Variants in CNTN5 observed in about 807,000 individuals in gnomAD.
CNTN5 encodes the protein contactin 5.
CNTN5 carries 77 observed loss-of-function variants against 129.1 expected under a neutral mutation model. The observed-to-expected ratio is 0.60, with a 90% confidence interval of 0.50 to 0.72. CNTN5 has a LOEUF of 0.72. Ranked by LOEUF, CNTN5 falls within the 30% of genes least tolerant of loss-of-function variation. CNTN5 has a pLI of 0.00. For synonymous variants in CNTN5, 509 were observed against 465.6 expected (o/e 1.09, Z -1.20); for missense variants, 1,478 against 1,328.8 (o/e 1.11, Z -1.75).
intron 3 of CNTN5, among the ~76,000 whole-genome samples, chr11:99,689,657 G>T (rs1011740066): frequency 1.7e-4 from 26 of 149,248 alleles, no homozygotes; most frequent in East Asian, 1.2e-3. Context: ...TTGTGGTTTT[G>T]ATTTGCATTT....
chr11:99,956,145 T>C (rs1377592759), intron 7 of CNTN5, among the ~76,000 whole-genome samples: 1 of 152,120 alleles, frequency 6.6e-6, no homozygotes, highest in African/African-American at 2.4e-5. Flanking sequence ...CTTAGGTACG[T>C]TGTCTTGGTG....
intron 4 of CNTN5, among the ~76,000 whole-genome samples, chr11:99,833,760 C>T (rs1345891492): frequency 6.6e-6 from 1 of 152,114 alleles, no homozygotes; most frequent in Non-Finnish European, 1.5e-5. Context: ...ACTTGATCAT[C>T]CTGTTCAAGA....
At chr11:99,033,243 C>A (rs1276425744) in intron 1 of CNTN5, among the ~76,000 whole-genome samples, 2 of 151,638 alleles carry the variant, frequency 1.3e-5, no homozygotes, top group Admixed American at 6.6e-5. Flanking sequence ...ATTGACTTGG[C>A]AATGCGGGCT....
chr11:99,639,607 C>T (rs1951694733), intron 3 of CNTN5, among the ~76,000 whole-genome samples: 3 of 118,900 alleles, frequency 2.5e-5, no homozygotes, highest in Middle Eastern at 7.4e-3. Flanking sequence ...TCTTGCTTCC[C>T]AGGCTGGAGT....
At chr11:99,773,525 C>A (rs1292144172) in intron 3 of CNTN5, among the ~76,000 whole-genome samples, 1 of 151,938 alleles carries the variant, frequency 6.6e-6, no homozygotes, top group African/African-American at 2.4e-5. Flanking sequence ...GTATGTTAGA[C>A]TGCAAATTAA....
chr11:99,941,666 T>C (rs1321739566), intron 7 of CNTN5, among the ~76,000 whole-genome samples: 7 of 150,304 alleles, frequency 4.7e-5, no homozygotes, highest in African/African-American at 1.7e-4. Context: ...CATAAAGACC[T>C]CCCACAGGGA....
chr11:99,247,356 A>G (rs1176727613), intron 1 of CNTN5, among the ~76,000 whole-genome samples: 3 of 152,104 alleles, frequency 2.0e-5, no homozygotes, highest in African/African-American at 7.2e-5. Flanking sequence ...ACTCTACTCC[A>G]AAGTCTGATG....
chr11:99,535,646 G>A (rs1033797449), intron 2 of CNTN5, among the ~76,000 whole-genome samples: 1 of 152,192 alleles, frequency 6.6e-6, no homozygotes, highest in Admixed American at 6.6e-5. Flanking sequence ...GATTTAGAGA[G>A]AAGTGTGGTT....
At chr11:100,290,139 C>G (rs1591482094) in intron 18 of CNTN5, among the ~76,000 whole-genome samples, 2 of 151,412 alleles carry the variant, frequency 1.3e-5, no homozygotes, top group East Asian at 3.9e-4. Context: ...ATTCCATGCT[C>G]CTGGGTAGGA....
At chr11:99,338,251 G>A (rs907190105) in intron 2 of CNTN5, among the ~76,000 whole-genome samples, 7 of 152,042 alleles carry the variant, frequency 4.6e-5, no homozygotes, top group Non-Finnish European at 8.8e-5. Flanking sequence ...CACCCAGCCT[G>A]GTCAAACAGC....
At chr11:99,506,302 A>C (rs534306922) in intron 2 of CNTN5, among the ~76,000 whole-genome samples, 2 of 152,288 alleles carry the variant, frequency 1.3e-5, no homozygotes, top group South Asian at 4.1e-4. Context: ...AAAAAGAAAA[A>C]AATGTTCTCT....
intron 1 of CNTN5, among the ~76,000 whole-genome samples, chr11:99,160,408 A>G (rs1448511596): frequency 2.0e-5 from 3 of 152,198 alleles, no homozygotes; most frequent in Admixed American, 1.3e-4. Flanking sequence ...TGAAATCATA[A>G]AAGTACCTCT....
At chr11:100,304,992 C>T (rs978780578) in intron 20 of CNTN5, among the ~76,000 whole-genome samples, 1 of 151,308 alleles carries the variant, frequency 6.6e-6, no homozygotes, top group Non-Finnish European at 1.5e-5. Flanking sequence ...TAATCTTATT[C>T]TATCCATTCC....
At chr11:99,286,155 A>C (rs574213854) in intron 1 of CNTN5, among the ~76,000 whole-genome samples, 6 of 152,212 alleles carry the variant, frequency 3.9e-5, no homozygotes, top group African/African-American at 1.4e-4. Flanking sequence ...TATCTGAAAG[A>C]AGCAGATTTG....
intron 1 of CNTN5, among the ~76,000 whole-genome samples, chr11:99,267,537 T>C (rs900684980): frequency 1.1e-4 from 17 of 152,130 alleles, no homozygotes; most frequent in African/African-American, 3.9e-4. Flanking sequence ...GTTCATGTGA[T>C]AGTAGGAGCC....
At position 99,341,018 on chromosome 11, in the gene CNTN5, C is replaced by T. The variant is rs149676771; in HGVS notation, c.-71+15534C>T. 5.4e-3 allele frequency among the ~76,000 whole-genome samples: 816 copies of T among 152,044 alleles called. 3 individuals are homozygous for T. Among genetic ancestry groups the T allele is most frequent in the Middle Eastern group, 0.01 (3 of 294 alleles). On this transcript the variant is annotated intron_variant, in intron 2 of 24. Coordinates refer to ENST00000524871, the MANE Select transcript of CNTN5 (RefSeq NM_014361.4). Reference sequence around the variant, plus strand: ...CATTAAAGGTCATACTTTGGGTGACCGAAATACTTGATATCTTATAAAGCA... The same window carrying T: ...CATTAAAGGTCATACTTTGGGTGACTGAAATACTTGATATCTTATAAAGCA...
intron 9 of CNTN5, among the ~76,000 whole-genome samples, chr11:100,004,458 C>T (rs1387606530): frequency 6.6e-6 from 1 of 152,108 alleles, no homozygotes; most frequent in African/African-American, 2.4e-5. Flanking sequence ...TAACTCACAC[C>T]CATTATTCTC....
intron 3 of CNTN5, among the ~76,000 whole-genome samples, chr11:99,588,343 CAAAAAAA>C (rs149362368): frequency 1.1e-4 from 10 of 93,022 alleles, no homozygotes; most frequent in Non-Finnish European, 8.4e-5. Flanking sequence ...GACTCCTTCT[CAAAAAAA>C]AAAAAAAAAA....
Position 100,308,301 on chromosome 11 carries a change from C to T in CNTN5, c.2621-58C>T, listed in dbSNP as rs559918485. 3.7e-4 allele frequency: 547 copies of T among 1,488,996 alleles called. 2 individuals are homozygous for T. Among genetic ancestry groups the T allele is most frequent in the African/African-American group, 3.0e-3 (211 of 71,410 alleles). The allele number at this position is 1,488,996 out of a possible 1,614,324, so 92.2% of individuals were successfully genotyped here. A position where few individuals can be genotyped will look rare whatever the true frequency, so the allele number is the denominator to read the frequency against. ...GAATTTAACACCTGACAGACTCAGG[C>T]GCAATACTTTGATGGACATAAACTT... On this transcript the variant is annotated intron_variant, in intron 20 of 24. Transcript: ENST00000524871.
Sources: allele counts gnomAD v4.1 joint callset (sites outside exome capture counted in the v4.1 genomes callset), GRCh38; gene constraint gnomAD v4.1.1; transcripts MANE v1.5; gene names NCBI Gene and HGNC (gene_info 2026-07-23, HGNC 2026-07-21).